Variants in GALNT17 observed in about 807,000 individuals in gnomAD.
The protein encoded by GALNT17 is polypeptide N-acetylgalactosaminyltransferase 17, also known as UDP-GalNAc:polypeptide N-acetylgalactosaminyltransferase-like 3.
Under a neutral mutation model 63.7 loss-of-function variants are expected in GALNT17, and 29 were observed. That is an observed-to-expected ratio of 0.46 (90% CI 0.34 to 0.62). GALNT17 has a LOEUF of 0.62. Among genes scored for constraint, GALNT17 ranks in the 20% least tolerant of loss-of-function variants. The probability of loss-of-function intolerance (pLI) is 0.01; values close to 1 mark genes in which losing one functional copy is unlikely to be tolerated. For missense variants in GALNT17, 603 were observed against 799.6 expected (o/e 0.75, Z 2.97); for synonymous variants, 305 against 318.3 (o/e 0.96, Z 0.45).
intron 5 of GALNT17, among the ~76,000 whole-genome samples, chr7:71,546,176 T>TTC (rs1327794702): frequency 6.6e-6 from 1 of 151,800 alleles, no homozygotes; most frequent in Non-Finnish European, 1.5e-5. Flanking sequence ...TTTTTTTTTT[T>TTC]TTGAGATAGC....
intron 6 of GALNT17, among the ~76,000 whole-genome samples, chr7:71,633,708 T>C (rs2867477): frequency 0.89 from 135,390 of 152,244 alleles, 62,264 homozygotes; most frequent in Non-Finnish European, 1. Flanking sequence ...GCTCATTCCT[T>C]GCTTCCTTGC....
chr7:71,710,210 G>C (rs927725624), intron 9 of GALNT17, among the ~76,000 whole-genome samples: 1 of 152,112 alleles, frequency 6.6e-6, no homozygotes, highest in Non-Finnish European at 1.5e-5. Context: ...CTGAGGATAT[G>C]CTTAGATAAA....
chr7:71,405,248 A>T (rs1057261951), intron 3 of GALNT17, among the ~76,000 whole-genome samples: 1 of 152,186 alleles, frequency 6.6e-6, no homozygotes, highest in Non-Finnish European at 1.5e-5. Flanking sequence ...AACAATGGTG[A>T]TGCATGTAGG....
At chr7:71,683,158 G>C (rs1341786060) in intron 9 of GALNT17, among the ~76,000 whole-genome samples, 1 of 152,166 alleles carries the variant, frequency 6.6e-6, no homozygotes, top group Non-Finnish European at 1.5e-5. Context: ...TGGGATGGAC[G>C]CTTGTTAAGT....
chr7:71,509,875 G>T (rs1229689139), intron 5 of GALNT17, among the ~76,000 whole-genome samples: 12 of 152,148 alleles, frequency 7.9e-5, no homozygotes, highest in Non-Finnish European at 1.5e-5. Context: ...GACACTGGGG[G>T]TCTTTTGTTT....
intron 1 of GALNT17, among the ~76,000 whole-genome samples, chr7:71,296,424 G>A (rs28479972): frequency 0.33 from 50,699 of 151,846 alleles, 8,670 homozygotes; most frequent in East Asian, 0.5. Flanking sequence ...GACCAGCTTG[G>A]CCAACATGGG....
chr7:71,219,356 A>G (rs1789542997), intron 1 of GALNT17, among the ~76,000 whole-genome samples: 3 of 152,072 alleles, frequency 2.0e-5, no homozygotes, highest in Admixed American at 2.0e-4. Context: ...TTTTTGGTTT[A>G]CTTTCTCAGA....
intron 5 of GALNT17, among the ~76,000 whole-genome samples, chr7:71,493,270 G>T (rs1322890263): frequency 1.3e-5 from 2 of 152,132 alleles, no homozygotes; most frequent in African/African-American, 4.8e-5. Context: ...CCAGGCATCT[G>T]TGATGTTGCC....
intron 5 of GALNT17, among the ~76,000 whole-genome samples, chr7:71,456,072 T>G (rs916346349): frequency 1.3e-5 from 2 of 151,298 alleles, no homozygotes; most frequent in African/African-American, 4.9e-5. Flanking sequence ...ATGGTGAAAC[T>G]CCATCTTTAC....
chr7:71,577,603 C>T (rs943796006), intron 6 of GALNT17, among the ~76,000 whole-genome samples: 2 of 152,102 alleles, frequency 1.3e-5, no homozygotes, highest in African/African-American at 4.8e-5. Flanking sequence ...CCTGTTGCTC[C>T]ATAACAGTCA....
At chr7:71,179,126 T>A (rs556166402) in intron 1 of GALNT17, among the ~76,000 whole-genome samples, 1 of 152,288 alleles carries the variant, frequency 6.6e-6, no homozygotes, top group African/African-American at 2.4e-5. Flanking sequence ...AAGGGAAACG[T>A]CAAGCTGGGA....
intron 6 of GALNT17, among the ~76,000 whole-genome samples, chr7:71,579,006 T>A (rs1353714349): frequency 6.6e-6 from 1 of 152,210 alleles, no homozygotes; most frequent in Admixed American, 6.5e-5. Flanking sequence ...TGCATCATGG[T>A]CCATCCCAGA....
intron 1 of GALNT17, among the ~76,000 whole-genome samples, chr7:71,324,082 C>T (rs1791662397): frequency 6.6e-6 from 1 of 152,156 alleles, no homozygotes; most frequent in Admixed American, 6.5e-5. Flanking sequence ...GTACCTTAAA[C>T]AAAGGAAACA....
At chr7:71,350,869 A>G (rs1394574409) in intron 2 of GALNT17, among the ~76,000 whole-genome samples, 1 of 152,212 alleles carries the variant, frequency 6.6e-6, no homozygotes, top group Non-Finnish European at 1.5e-5. Context: ...GGCTGGGCGC[A>G]GTGAGTCATG....
intron 5 of GALNT17, among the ~76,000 whole-genome samples, chr7:71,558,323 T>G (rs553092812): frequency 6.6e-6 from 1 of 152,318 alleles, no homozygotes; most frequent in African/African-American, 2.4e-5. Context: ...CTAGGTTTTT[T>G]TTTTGGTAAT....
At chr7:71,647,542 TGAGCA>T (rs1447957551) in intron 6 of GALNT17, among the ~76,000 whole-genome samples, 1 of 152,178 alleles carries the variant, frequency 6.6e-6, no homozygotes, top group African/African-American at 2.4e-5. Flanking sequence ...CTACTGGCAC[TGAGCA>T]GGCAGGCTTT....
intron 5 of GALNT17, among the ~76,000 whole-genome samples, chr7:71,449,304 G>T (rs1391912085): frequency 1.3e-5 from 2 of 151,708 alleles, no homozygotes; most frequent in South Asian, 2.1e-4. Flanking sequence ...TAGAGATGGG[G>T]TTTCACCATG....
chr7:71,151,492 G>A (rs1788131577), intron 1 of GALNT17, among the ~76,000 whole-genome samples: 2 of 151,930 alleles, frequency 1.3e-5, no homozygotes, highest in Admixed American at 1.3e-4. Flanking sequence ...GTGGTGGCAG[G>A]TGCCTGTAGT....
At chr7:71,147,779 G>T (rs1788051958) in intron 1 of GALNT17, among the ~76,000 whole-genome samples, 1 of 151,942 alleles carries the variant, frequency 6.6e-6, no homozygotes, top group African/African-American at 2.4e-5. Flanking sequence ...CTACAAGAGT[G>T]CACCACCACA....
Sources: allele counts gnomAD v4.1 joint callset (sites outside exome capture counted in the v4.1 genomes callset), GRCh38; gene constraint gnomAD v4.1.1; transcripts MANE v1.5; gene names NCBI Gene and HGNC (gene_info 2026-07-23, HGNC 2026-07-21).